Variants in TOGARAM1 observed in about 807,000 individuals in gnomAD.
The protein encoded by TOGARAM1 is TOG array regulator of axonemal microtubules 1, also known as TOG array regulator of axonemal microtubules protein 1.
TOGARAM1 carries 100 observed loss-of-function variants against 166.6 expected under a neutral mutation model. That is an observed-to-expected ratio of 0.60 (90% CI 0.51 to 0.71). The LOEUF is 0.71. Ranked by LOEUF, TOGARAM1 falls within the 30% of genes least tolerant of loss-of-function variation. The pLI, the probability that TOGARAM1 is intolerant of heterozygous loss-of-function variation, is 0.00. For synonymous variants in TOGARAM1, 758 were observed against 763.8 expected, an observed-to-expected ratio of 0.99 and a Z score of 0.13; for missense variants, 2,029 against 2,102.7, an observed-to-expected ratio of 0.96 and a Z score of 0.69.
At chr14:44,972,176 G>A (rs1295020614) in intron 1 of TOGARAM1, among the ~76,000 whole-genome samples, 2 of 152,028 alleles carry the variant, frequency 1.3e-5, no homozygotes, top group Non-Finnish European at 2.9e-5. Flanking sequence ...TGAGATTTGG[G>A]ACAGGATACA....
intron 12 of TOGARAM1, among the ~76,000 whole-genome samples, chr14:45,044,271 A>G (rs913655145): frequency 8.5e-5 from 13 of 152,056 alleles, no homozygotes; most frequent in African/African-American, 3.1e-4. Flanking sequence ...CGGCCTCCCA[A>G]AGTGCTGGGA....
At chr14:45,065,770 T>A (rs1594707709) in intron 16 of TOGARAM1, among the ~76,000 whole-genome samples, 1 of 152,198 alleles carries the variant, frequency 6.6e-6, no homozygotes, top group East Asian at 1.9e-4. Context: ...TTTGGAAAGA[T>A]TTCAACTATT....
chr14:44,996,226 A>G (rs1887406917), intron 2 of TOGARAM1: 1 of 162,046 alleles, frequency 6.2e-6, no homozygotes, highest in African/African-American at 2.4e-5. Context: ...GACATTAAAT[A>G]AATACAAGAC....
intron 1 of TOGARAM1, 58 bp from the exon 2 acceptor site, chr14:44,995,688 T>C: frequency 8.1e-7 from 1 of 1,228,258 alleles, no homozygotes; most frequent in African/African-American, 1.5e-5. Context: ...TATTTTGTCA[T>C]ATTTATTACC....
intron 1 of TOGARAM1, among the ~76,000 whole-genome samples, chr14:44,991,150 G>A (rs1594629064): frequency 6.6e-6 from 1 of 151,712 alleles, no homozygotes; most frequent in Admixed American, 6.6e-5. Flanking sequence ...TAGAGATGGG[G>A]TCTTGCCATG....
chr14:45,071,980 G>C (rs890485551), intron 19 of TOGARAM1, among the ~76,000 whole-genome samples, 182 bp downstream of exon 19: 4 of 152,114 alleles, frequency 2.6e-5, no homozygotes, highest in Non-Finnish European at 4.4e-5. Context: ...ATTGTCAAAA[G>C]AATTTTATCC....
In TOGARAM1 at chr14:44,962,321, C is replaced by G. The variant is rs777695016; in HGVS notation, c.-101C>G. On this transcript the variant is annotated 5_prime_UTR_variant, in exon 1 of 20. Coordinates refer to ENST00000361462, the MANE Select transcript of TOGARAM1 (RefSeq NM_001308120.2). ...GGCTGAAGCTGTTCTTTTGCCTCTT[C>G]TGCAGCTTGGGGCTTGGAGAGGATC... 2.1e-6 allele frequency: 3 copies of G among 1,401,244 alleles called. No homozygotes were observed. The highest frequency in any genetic ancestry group is 1.9e-6 in the Non-Finnish European group (2 of 1,065,144). 86.8% of individuals were successfully genotyped at this position (1,401,244 alleles called of 1,614,324 possible). A position where few individuals can be genotyped will look rare whatever the true frequency, so the allele number is the denominator to read the frequency against.
intron 16 of TOGARAM1, 90 bp from the exon 17 acceptor site, chr14:45,066,488 A>T: frequency 8.3e-7 from 1 of 1,199,750 alleles, no homozygotes; most frequent in East Asian, 2.5e-5. Flanking sequence ...TTGGAAAATG[A>T]ATGCATAATG....
At chr14:45,019,200 G>A (rs975175528) in intron 7 of TOGARAM1, among the ~76,000 whole-genome samples, 1 of 152,090 alleles carries the variant, frequency 6.6e-6, no homozygotes, top group Non-Finnish European at 1.5e-5. Context: ...CCAAGTTTAG[G>A]AGGTGGCTTA....
intron 1 of TOGARAM1, among the ~76,000 whole-genome samples, chr14:44,979,615 A>G (rs957088643): frequency 6.6e-6 from 1 of 152,208 alleles, no homozygotes; most frequent in Non-Finnish European, 1.5e-5. Context: ...TTCTATACAC[A>G]AAGGTTAAAT....
intron 13 of TOGARAM1, among the ~76,000 whole-genome samples, chr14:45,045,328 T>C (rs1881933303): frequency 6.6e-6 from 1 of 151,348 alleles, no homozygotes; most frequent in African/African-American, 2.4e-5. Flanking sequence ...GCTCTCCTTC[T>C]TTCTCTAAAG....
chr14:45,029,483 T>A (rs1299836219), intron 10 of TOGARAM1, among the ~76,000 whole-genome samples: 3 of 152,210 alleles, frequency 2.0e-5, no homozygotes, highest in Admixed American at 6.5e-5. Flanking sequence ...CTTATATTAT[T>A]TGAAAATAAG....
intron 11 of TOGARAM1, among the ~76,000 whole-genome samples, chr14:45,042,722 CTTAA>C (rs1192036273): frequency 6.6e-6 from 1 of 151,942 alleles, no homozygotes; most frequent in Non-Finnish European, 1.5e-5. Context: ...ATCAATATGC[CTTAA>C]TTAAAAAATA....
intron 1 of TOGARAM1, among the ~76,000 whole-genome samples, chr14:44,981,787 A>C (rs1886549041): frequency 6.6e-6 from 1 of 151,882 alleles, no homozygotes; most frequent in Admixed American, 6.6e-5. Context: ...CAGTTTATGA[A>C]TACAAGGTAT....
intron 14 of TOGARAM1, among the ~76,000 whole-genome samples, chr14:45,049,773 T>G (rs1215680049): frequency 6.6e-6 from 1 of 152,124 alleles, no homozygotes; most frequent in Non-Finnish European, 1.5e-5. Flanking sequence ...TCAAGAGGGT[T>G]AGATCATTAT....
chr14:44,995,473 C>T (rs891630034), intron 1 of TOGARAM1: 2 of 485,366 alleles, frequency 4.1e-6, no homozygotes, highest in African/African-American at 3.9e-5. Context: ...GTATTCTCTC[C>T]TTCCTTGTTG....
chr14:45,043,614 A>C, intron 11 of TOGARAM1, 72 bp from the exon 12 acceptor site: 1 of 878,412 alleles, frequency 1.1e-6, no homozygotes, highest in Non-Finnish European at 1.9e-6. Context: ...TACACAGAAA[A>C]TAAGACATTT....
At chr14:45,044,564 C>T (rs889201817) in intron 12 of TOGARAM1, 71 bp from the exon 13 acceptor site, 2 of 1,108,562 alleles carry the variant, frequency 1.8e-6, no homozygotes, top group South Asian at 1.5e-5. Context: ...TTGTAAAATT[C>T]CTTTCCAAGT....
chr14:45,027,238 T>C, intron 8 of TOGARAM1, 61 bp from the exon 9 acceptor site: 1 of 1,542,128 alleles, frequency 6.5e-7, no homozygotes, highest in Non-Finnish European at 8.8e-7. Context: ...CCTTAAACTT[T>C]GTTGTCTAGA....
Sources: gnomAD v4.1 joint callset for allele counts (sites outside exome capture counted in the v4.1 genomes callset) on GRCh38, gnomAD v4.1.1 for gene constraint, MANE v1.5 for transcripts, NCBI Gene and HGNC (gene_info 2026-07-23, HGNC 2026-07-21) for gene names.